Variants in LRRC4C observed in about 807,000 individuals in gnomAD.
The protein encoded by LRRC4C is leucine-rich repeat-containing protein 4C.
A neutral mutation model predicts 33.6 loss-of-function variants in LRRC4C; 5 were observed. The observed-to-expected ratio is 0.15, with a 90% confidence interval of 0.08 to 0.31. The LOEUF (loss-of-function observed/expected upper bound fraction) is 0.31, where lower values mean the gene tolerates loss of function less well. LRRC4C is among the 10% of genes least tolerant of loss of function. The pLI, the probability that LRRC4C is intolerant of heterozygous loss-of-function variation, is 1.00. For synonymous variants in LRRC4C, 329 were observed against 302.0 expected (o/e 1.09, Z -0.93); for missense variants, 560 against 796.7 (o/e 0.70, Z 3.58).
intron 3 of LRRC4C, among the ~76,000 whole-genome samples, chr11:40,617,948 C>A (rs976177735): frequency 6.6e-6 from 1 of 151,566 alleles, no homozygotes; most frequent in Non-Finnish European, 1.5e-5. Flanking sequence ...TATTTGATGT[C>A]TGAGTGCTAA....
At chr11:41,195,754 A>C (rs1172102325) in intron 1 of LRRC4C, among the ~76,000 whole-genome samples, 1 of 152,142 alleles carries the variant, frequency 6.6e-6, no homozygotes, top group Non-Finnish European at 1.5e-5. Flanking sequence ...GAAAGTGTAA[A>C]AGGAGCAAGT....
intron 2 of LRRC4C, among the ~76,000 whole-genome samples, chr11:40,696,930 C>T (rs1042213044): frequency 2.0e-5 from 3 of 151,646 alleles, no homozygotes; most frequent in Admixed American, 6.6e-5. Context: ...ATGTATTCCC[C>T]AAACTGAGAA....
intron 3 of LRRC4C, among the ~76,000 whole-genome samples, chr11:40,557,107 AT>A (rs1241552481): frequency 6.6e-6 from 1 of 152,126 alleles, no homozygotes. Flanking sequence ...ACATATTGAT[AT>A]TGAAATAAAA....
intron 1 of LRRC4C, among the ~76,000 whole-genome samples, chr11:41,418,857 C>T: frequency 6.6e-6 from 1 of 151,860 alleles, no homozygotes; most frequent in Non-Finnish European, 1.5e-5. Flanking sequence ...GTCTAGAATG[C>T]AATGGTTGAA....
chr11:41,242,539 T>G (rs1295357410), intron 1 of LRRC4C, among the ~76,000 whole-genome samples: 1 of 152,110 alleles, frequency 6.6e-6, no homozygotes, highest in Admixed American at 6.6e-5. Flanking sequence ...GTGCATTTAC[T>G]CATCATGTAT....
At chr11:40,344,453 T>C (rs889290537) in intron 3 of LRRC4C, among the ~76,000 whole-genome samples, 1 of 152,110 alleles carries the variant, frequency 6.6e-6, no homozygotes, top group African/African-American at 2.4e-5. Flanking sequence ...AAATTCAACA[T>C]TCCTTTATGT....
chr11:40,276,846 A>G (rs1943145424), intron 4 of LRRC4C, among the ~76,000 whole-genome samples: 1 of 151,994 alleles, frequency 6.6e-6, no homozygotes, highest in African/African-American at 2.4e-5. Context: ...ATGCTGAAGG[A>G]GTAAGGAAAC....
intron 1 of LRRC4C, among the ~76,000 whole-genome samples, chr11:41,224,395 C>CT (rs1484163297): frequency 6.6e-6 from 1 of 152,118 alleles, no homozygotes; most frequent in Non-Finnish European, 1.5e-5. Context: ...TTTATTAGCT[C>CT]TGTAACTACA....
chr11:41,075,046 G>GTTT (rs59948632), intron 1 of LRRC4C, among the ~76,000 whole-genome samples: 5 of 52,686 alleles, frequency 9.5e-5, no homozygotes, highest in African/African-American at 1.3e-4. Flanking sequence ...TATTTTTAAT[G>GTTT]TTTTTTTTTT....
At chr11:40,590,266 G>A (rs919897130) in intron 3 of LRRC4C, among the ~76,000 whole-genome samples, 3 of 150,990 alleles carry the variant, frequency 2.0e-5, no homozygotes, top group South Asian at 2.1e-4. Flanking sequence ...CCAGTTGATC[G>A]CATCGTCTCC....
chr11:41,237,707 G>A (rs1207347061), intron 1 of LRRC4C, among the ~76,000 whole-genome samples: 2 of 152,130 alleles, frequency 1.3e-5, no homozygotes, highest in East Asian at 3.9e-4. Flanking sequence ...TGGTGTGAAG[G>A]AAAGGTGTTA....
Position 41,390,050 on chromosome 11 carries a change from G to A in LRRC4C, c.-496+69381C>T, listed in dbSNP as rs570340059. Reference sequence around the variant, plus strand: ...TCTGTTTTTATCCTGTTCTGAGTATGTCTATCCAGAACTTGCATTTTAAAA... The same window carrying A: ...TCTGTTTTTATCCTGTTCTGAGTATATCTATCCAGAACTTGCATTTTAAAA... On this transcript the variant is annotated intron_variant, in intron 1 of 6. Transcript: ENST00000528697. Among the ~76,000 whole-genome samples the A allele has an allele frequency of 5.9e-5, 9 of 151,978 alleles. 1 individual carries two copies. In the South Asian group the frequency reaches 1.2e-3, roughly 21 times the overall value.
intron 3 of LRRC4C, among the ~76,000 whole-genome samples, chr11:40,364,202 A>G (rs1464183364): frequency 6.6e-6 from 1 of 152,154 alleles, no homozygotes; most frequent in East Asian, 1.9e-4. Flanking sequence ...CAACAAGAAA[A>G]TTATCAGGTA....
At chr11:40,728,059 C>T (rs1055159433) in intron 2 of LRRC4C, among the ~76,000 whole-genome samples, 20 of 151,580 alleles carry the variant, frequency 1.3e-4, no homozygotes, top group South Asian at 8.3e-4. Context: ...ATGAACATCA[C>T]GAATCATAAG....
chr11:41,194,091 T>C (rs185630377), intron 1 of LRRC4C, among the ~76,000 whole-genome samples: 89 of 152,224 alleles, frequency 5.8e-4, no homozygotes, highest in Non-Finnish European at 1.2e-4. Flanking sequence ...AATGATTCAC[T>C]TTTATTTCAT....
At chr11:41,217,410 C>T (rs976240226) in intron 1 of LRRC4C, among the ~76,000 whole-genome samples, 1 of 152,108 alleles carries the variant, frequency 6.6e-6, no homozygotes, top group African/African-American at 2.4e-5. Context: ...AGGAATACCC[C>T]TTAAGCAACT....
chr11:40,833,322 A>G (rs745332457), intron 2 of LRRC4C, among the ~76,000 whole-genome samples: 2 of 152,162 alleles, frequency 1.3e-5, no homozygotes, highest in Non-Finnish European at 2.9e-5. Flanking sequence ...CAATAAAAAT[A>G]TTGTATGAGA....
intron 2 of LRRC4C, among the ~76,000 whole-genome samples, chr11:40,744,198 T>C (rs912923601): frequency 3.3e-5 from 5 of 152,104 alleles, no homozygotes; most frequent in South Asian, 2.1e-4. Context: ...TGACACATAA[T>C]AAACAAATAT....
intron 1 of LRRC4C, among the ~76,000 whole-genome samples, chr11:41,141,609 T>C (rs540732389): frequency 3.9e-5 from 6 of 152,072 alleles, no homozygotes; most frequent in Non-Finnish European, 8.8e-5. Flanking sequence ...TCCATGCTCT[T>C]CTTATGATAG....
Sources: gnomAD v4.1 joint callset for allele counts (sites outside exome capture counted in the v4.1 genomes callset) on GRCh38, gnomAD v4.1.1 for gene constraint, MANE v1.5 for transcripts, NCBI Gene and HGNC (gene_info 2026-07-23, HGNC 2026-07-21) for gene names.